FARS2: variants seen among roughly 807,000 people sequenced by gnomAD.
FARS2 encodes phenylalanyl-tRNA synthetase 2, mitochondrial.
FARS2 carries 40 observed loss-of-function variants against 46.4 expected under a neutral mutation model. The ratio of observed to expected loss-of-function variants is 0.86; its 90% CI spans 0.67 to 1.12. The LOEUF (loss-of-function observed/expected upper bound fraction) is 1.12, where lower values mean the gene tolerates loss of function less well. Among genes scored for constraint, FARS2 ranks in the 50% most tolerant of loss-of-function variants. The pLI, the probability that FARS2 is intolerant of heterozygous loss-of-function variation, is 0.00. For missense variants in FARS2, 513 were observed against 567.9 expected, an observed-to-expected ratio of 0.90 and a Z score of 0.98; for synonymous variants, 234 against 214.9, an observed-to-expected ratio of 1.09 and a Z score of -0.78.
chr6:5,303,322 G>C (rs1171603853), intron 1 of FARS2, among the ~76,000 whole-genome samples: 2 of 152,196 alleles, frequency 1.3e-5, no homozygotes, highest in African/African-American at 2.4e-5. Context: ...CAGCACCTGG[G>C]ACTGACTGGT....
At chr6:5,432,357 ATATATAATATATT>A (rs1366012584) in intron 4 of FARS2, among the ~76,000 whole-genome samples, 2 of 110,180 alleles carry the variant, frequency 1.8e-5, no homozygotes, top group Non-Finnish European at 3.6e-5. Flanking sequence ...TATATTATAT[ATATATAATATATT>A]ATATATTTAT....
At chr6:5,757,454 A>G (rs778623079) in intron 6 of FARS2, among the ~76,000 whole-genome samples, 6 of 150,424 alleles carry the variant, frequency 4.0e-5, no homozygotes, top group African/African-American at 9.8e-5. Context: ...CCAGACCTCC[A>G]AAAAAAAACT....
chr6:5,460,361 T>C (rs1276690437), intron 4 of FARS2, among the ~76,000 whole-genome samples: 1 of 152,148 alleles, frequency 6.6e-6, no homozygotes, highest in Non-Finnish European at 1.5e-5. Context: ...TGTGTCTTCC[T>C]GTGTATTATG....
intron 4 of FARS2, among the ~76,000 whole-genome samples, chr6:5,475,843 G>C (rs1361204526): frequency 6.6e-6 from 1 of 152,046 alleles, no homozygotes; most frequent in African/African-American, 2.4e-5. Context: ...CTGTGTCCCA[G>C]TCTCAAGTGG....
intron 1 of FARS2, among the ~76,000 whole-genome samples, chr6:5,268,160 T>C (rs1455932290): frequency 6.6e-6 from 1 of 152,036 alleles, no homozygotes; most frequent in African/African-American, 2.4e-5. Flanking sequence ...AGGTTGCCTG[T>C]TCACTCTGAT....
At chr6:5,613,734 T>G (rs1011177183) in intron 6 of FARS2, among the ~76,000 whole-genome samples, 1 of 152,216 alleles carries the variant, frequency 6.6e-6, no homozygotes. Context: ...TATTACGTCC[T>G]AGGAATTAAA....
intron 5 of FARS2, among the ~76,000 whole-genome samples, chr6:5,573,239 A>G (rs1772759564): frequency 6.6e-6 from 1 of 152,176 alleles, no homozygotes; most frequent in African/African-American, 2.4e-5. Flanking sequence ...CTGAGATTAT[A>G]GCCATGACTC....
chr6:5,259,158 AGT>A (rs1764823703), upstream of FARS2, among the ~76,000 whole-genome samples: 2 of 152,300 alleles, frequency 1.3e-5, no homozygotes, highest in South Asian at 4.2e-4. Context: ...CACTTTCCTT[AGT>A]GTGTGAACTG....
At chr6:5,753,796 A>C (rs1762072081) in intron 6 of FARS2, among the ~76,000 whole-genome samples, 1 of 152,224 alleles carries the variant, frequency 6.6e-6, no homozygotes, top group Non-Finnish European at 1.5e-5. Flanking sequence ...CTCACCGGCC[A>C]TTAAAACTTC....
At chr6:5,322,196 A>G (rs1770026433) in intron 1 of FARS2, among the ~76,000 whole-genome samples, 1 of 152,256 alleles carries the variant, frequency 6.6e-6, no homozygotes, top group Non-Finnish European at 1.5e-5. Flanking sequence ...TAAATGTCCA[A>G]TAGGGAAATG....
intron 5 of FARS2, among the ~76,000 whole-genome samples, chr6:5,598,899 G>A (rs749399024): frequency 2.1e-4 from 32 of 152,286 alleles, no homozygotes; most frequent in Middle Eastern, 3.4e-3. Context: ...TGGAAATCAC[G>A]TCTTAAGTTC....
At chr6:5,407,043 T>TTTTATATATATATATATATATA (rs370004990) in intron 3 of FARS2, among the ~76,000 whole-genome samples, 1 of 83,904 alleles carries the variant, frequency 1.2e-5, no homozygotes, top group African/African-American at 4.9e-5. Context: ...AGGTGGCAAA[T>TTTTATATATATATATATATATA]TATATATATA....
chr6:5,456,552 T>C (rs1582159453), intron 4 of FARS2, among the ~76,000 whole-genome samples: 2 of 151,444 alleles, frequency 1.3e-5, no homozygotes, highest in Non-Finnish European at 2.9e-5. Context: ...GCCAACATGG[T>C]GAAACCCCAC....
chr6:5,403,460 G>C (rs890338195), intron 2 of FARS2, among the ~76,000 whole-genome samples: 1 of 152,154 alleles, frequency 6.6e-6, no homozygotes, highest in Non-Finnish European at 1.5e-5. Context: ...TGATAGGTTA[G>C]ATAGGCAGAT....
At chr6:5,377,307 C>T (rs554249596) in intron 2 of FARS2, among the ~76,000 whole-genome samples, 8 of 152,302 alleles carry the variant, frequency 5.3e-5, no homozygotes, top group Non-Finnish European at 8.8e-5. Context: ...TGAGGATGGA[C>T]AGAGGAGTTG....
At chr6:5,752,930 G>A (rs773528351) in intron 6 of FARS2, among the ~76,000 whole-genome samples, 2 of 152,068 alleles carry the variant, frequency 1.3e-5, no homozygotes, top group East Asian at 1.9e-4. Context: ...TGTGGTGTCC[G>A]GAGAGAACCG....
intron 2 of FARS2, among the ~76,000 whole-genome samples, chr6:5,391,232 A>G (rs1760490314): frequency 6.6e-6 from 1 of 152,190 alleles, no homozygotes; most frequent in East Asian, 1.9e-4. Context: ...AGATGGGGTC[A>G]TGACTTGGAG....
intron 5 of FARS2, among the ~76,000 whole-genome samples, chr6:5,603,176 A>G (rs1002662073): frequency 2.0e-5 from 3 of 152,078 alleles, no homozygotes; most frequent in African/African-American, 7.2e-5. Context: ...GCTCACTGCA[A>G]CCTCTGCTTC....
chr6:5,312,722 A>G (rs561621201), intron 1 of FARS2, among the ~76,000 whole-genome samples: 1 of 152,178 alleles, frequency 6.6e-6, no homozygotes, highest in African/African-American at 2.4e-5. Flanking sequence ...AAGGAGTCCA[A>G]CCGGGACTCA....
Sources: gnomAD v4.1 joint callset for allele counts (sites outside exome capture counted in the v4.1 genomes callset) on GRCh38, gnomAD v4.1.1 for gene constraint, MANE v1.5 for transcripts, NCBI Gene and HGNC (gene_info 2026-07-23, HGNC 2026-07-21) for gene names.